PELI2: variants seen among roughly 807,000 people sequenced by gnomAD.
The protein encoded by PELI2 is pellino E3 ubiquitin protein ligase family member 2, also known as E3 ubiquitin-protein ligase pellino homolog 2.
Under a neutral mutation model 42.3 loss-of-function variants are expected in PELI2, and 23 were observed. That is an observed-to-expected ratio of 0.54 (90% CI 0.39 to 0.77). PELI2 has a LOEUF of 0.77. Ranked by LOEUF, PELI2 falls within the 30% of genes least tolerant of loss-of-function variation. The pLI is 0.00. For synonymous variants in PELI2, 245 were observed against 212.2 expected (o/e 1.15, Z -1.34); for missense variants, 463 against 553.2 (o/e 0.84, Z 1.64).
chr14:56,124,842 C>CT (rs1264057695), intron 1 of PELI2, among the ~76,000 whole-genome samples: 1 of 152,090 alleles, frequency 6.6e-6, no homozygotes, highest in African/African-American at 2.4e-5. Context: ...CGTGCAGCTA[C>CT]TTTGAGGAAC....
At chr14:56,283,454 A>G (rs190089687) in intron 3 of PELI2, among the ~76,000 whole-genome samples, 30 of 152,320 alleles carry the variant, frequency 2.0e-4, no homozygotes, top group Admixed American at 1.9e-3. Flanking sequence ...CACCATCAGC[A>G]TAGAGACCAG....
At chr14:56,153,148 A>G (rs1884424965) in intron 1 of PELI2, among the ~76,000 whole-genome samples, 1 of 152,238 alleles carries the variant, frequency 6.6e-6, no homozygotes, top group Non-Finnish European at 1.5e-5. Flanking sequence ...AGCATTTTAA[A>G]AAAAGCATGA....
chr14:56,143,699 C>T (rs993728826), intron 1 of PELI2, among the ~76,000 whole-genome samples: 2 of 152,146 alleles, frequency 1.3e-5, no homozygotes, highest in Non-Finnish European at 2.9e-5. Flanking sequence ...TTGTTATTTA[C>T]TTTTTTGCTC....
chr14:56,255,285 A>G (rs981315054), intron 2 of PELI2, among the ~76,000 whole-genome samples: 1 of 152,178 alleles, frequency 6.6e-6, no homozygotes, highest in African/African-American at 2.4e-5. Flanking sequence ...GCACATATAC[A>G]CCATAGAATA....
chr14:56,244,732 GT>G (rs564588179), intron 2 of PELI2, among the ~76,000 whole-genome samples: 35 of 152,094 alleles, frequency 2.3e-4, no homozygotes, highest in Non-Finnish European at 4.9e-4. Context: ...CCATTGAGTT[GT>G]GCTAGCTGTT....
At chr14:56,133,495 A>G (rs1477204946) in intron 1 of PELI2, among the ~76,000 whole-genome samples, 2 of 152,214 alleles carry the variant, frequency 1.3e-5, no homozygotes, top group Non-Finnish European at 2.9e-5. Flanking sequence ...AAATAAGTCT[A>G]TTAGGTACTT....
chr14:56,167,504 A>G (rs1885006579), intron 1 of PELI2, among the ~76,000 whole-genome samples: 1 of 152,178 alleles, frequency 6.6e-6, no homozygotes, highest in African/African-American at 2.4e-5. Flanking sequence ...CAGCTCCAGA[A>G]TTTCTGCTAG....
At chr14:56,143,967 A>C (rs4636823) in intron 1 of PELI2, among the ~76,000 whole-genome samples, 14,218 of 152,082 alleles carry the variant, frequency 0.093, 959 homozygotes, top group East Asian at 0.25. Flanking sequence ...CTTCCAGACT[A>C]TCTTGGTGGA....
chr14:56,129,589 G>A (rs928852446), intron 1 of PELI2, among the ~76,000 whole-genome samples: 1 of 152,182 alleles, frequency 6.6e-6, no homozygotes, highest in East Asian at 1.9e-4. Flanking sequence ...CCCAAGAAAC[G>A]AGGAGAAGGA....
At chr14:56,124,773 A>G (rs1345965960) in intron 1 of PELI2, among the ~76,000 whole-genome samples, 1 of 152,212 alleles carries the variant, frequency 6.6e-6, no homozygotes, top group African/African-American at 2.4e-5. Flanking sequence ...GATGGAGATA[A>G]GAGGGAAGGA....
At chr14:56,178,299 C>G in intron 1 of PELI2, 36 bp from the exon 2 acceptor site, 1 of 1,607,764 alleles carries the variant, frequency 6.2e-7, no homozygotes, top group African/African-American at 1.3e-5. Flanking sequence ...CTTGAAAAAT[C>G]TGCAGATAGA....
At chr14:56,166,167 G>A (rs1282317221) in intron 1 of PELI2, among the ~76,000 whole-genome samples, 28 of 152,038 alleles carry the variant, frequency 1.8e-4, no homozygotes, top group Admixed American at 1.8e-3. Context: ...ATAACATGAG[G>A]CTTGCAAATA....
chr14:56,215,971 G>A (rs3783669), intron 2 of PELI2, among the ~76,000 whole-genome samples: 61,030 of 152,052 alleles, frequency 0.4, 13,051 homozygotes, highest in South Asian at 0.53. Flanking sequence ...CTAATAATAT[G>A]ATTTTATTTT....
intron 2 of PELI2, among the ~76,000 whole-genome samples, chr14:56,237,878 C>G (rs2139786629): frequency 6.6e-6 from 1 of 151,646 alleles, no homozygotes; most frequent in Non-Finnish European, 1.5e-5. Flanking sequence ...TTCTTATTTC[C>G]CCACTCCCTA....
At chr14:56,198,123 T>A (rs1273608142) in intron 2 of PELI2, among the ~76,000 whole-genome samples, 1 of 152,150 alleles carries the variant, frequency 6.6e-6, no homozygotes, top group Non-Finnish European at 1.5e-5. Flanking sequence ...AACGGGACTC[T>A]CTCAGAGGAA....
intron 1 of PELI2, among the ~76,000 whole-genome samples, chr14:56,150,882 G>A (rs966372859): frequency 1.3e-5 from 2 of 152,198 alleles, no homozygotes; most frequent in Admixed American, 6.5e-5. Flanking sequence ...TGGCAGCATG[G>A]AGTGGCTGGA....
At chr14:56,179,879 T>C (rs1885519256) in intron 2 of PELI2, among the ~76,000 whole-genome samples, 1 of 152,206 alleles carries the variant, frequency 6.6e-6, no homozygotes, top group South Asian at 2.1e-4. Context: ...TCCTCTTTTT[T>C]AAAATCTTGG....
At chr14:56,217,120 T>C (rs1886936196) in intron 2 of PELI2, among the ~76,000 whole-genome samples, 1 of 152,242 alleles carries the variant, frequency 6.6e-6, no homozygotes, top group Non-Finnish European at 1.5e-5. Context: ...TGTTACATTA[T>C]AGTTGCATCT....
At chr14:56,155,731 G>A (rs1239066003) in intron 1 of PELI2, among the ~76,000 whole-genome samples, 3 of 147,722 alleles carry the variant, frequency 2.0e-5, no homozygotes, top group Non-Finnish European at 3.0e-5. Flanking sequence ...ACAGGCGCTC[G>A]CCACCACGCC....
Sources: allele counts gnomAD v4.1 joint callset (sites outside exome capture counted in the v4.1 genomes callset), GRCh38; gene constraint gnomAD v4.1.1; transcripts MANE v1.5; gene names NCBI Gene and HGNC (gene_info 2026-07-23, HGNC 2026-07-21).